Variants in SYNPO2 observed in about 807,000 individuals in gnomAD.
The protein encoded by SYNPO2 is synaptopodin-2.
SYNPO2 carries 56 observed loss-of-function variants against 85.0 expected under a neutral mutation model. The ratio of observed to expected loss-of-function variants is 0.66; its 90% CI spans 0.53 to 0.82. SYNPO2 has a LOEUF of 0.82. SYNPO2 is among the 40% of genes least tolerant of loss of function. The pLI, the probability that SYNPO2 is intolerant of heterozygous loss-of-function variation, is 0.00. For missense variants in SYNPO2, 1,575 were observed against 1,534.2 expected (o/e 1.03, Z -0.44); for synonymous variants, 602 against 591.1 (o/e 1.02, Z -0.27).
chr4:119,003,592 CT>C (rs1404916270), intron 1 of SYNPO2, among the ~76,000 whole-genome samples: 1 of 152,166 alleles, frequency 6.6e-6, no homozygotes, highest in African/African-American at 2.4e-5. Flanking sequence ...CATCCTGTTT[CT>C]GTTTCATGGT....
Position 119,021,088 on chromosome 4 carries a change from G to A in SYNPO2, c.106-2342G>A, listed in dbSNP as rs557861902. Among the ~76,000 whole-genome samples, 114 of 152,250 alleles carry A rather than the reference G, an allele frequency of 7.5e-4. 1 individual carries two copies. Among genetic ancestry groups the A allele is most frequent in the South Asian group, 6.6e-3 (32 of 4,816 alleles). On this transcript the variant is annotated intron_variant, in intron 1 of 4. Transcript: ENST00000307142. Reference sequence around the variant, plus strand: ...AGTATATTCTTCCCCAAGAGGTAATGATATTGATGTGTCAGCAGTGGGGAA... The same window carrying A: ...AGTATATTCTTCCCCAAGAGGTAATAATATTGATGTGTCAGCAGTGGGGAA...
chr4:119,014,017 A>G (rs574071007), intron 1 of SYNPO2, among the ~76,000 whole-genome samples: 139 of 152,330 alleles, frequency 9.1e-4, no homozygotes, highest in Middle Eastern at 6.8e-3. Flanking sequence ...TTCCAACTAT[A>G]TAACTGTGTG....
At chr4:118,950,860 T>C (rs1734671310) in intron 1 of SYNPO2, among the ~76,000 whole-genome samples, 1 of 152,126 alleles carries the variant, frequency 6.6e-6, no homozygotes. Flanking sequence ...ATAAACTCGA[T>C]TGGTTGTGAA....
At chr4:118,862,484 T>C (rs1731626794) in intron 1 of SYNPO2, among the ~76,000 whole-genome samples, 1 of 152,246 alleles carries the variant, frequency 6.6e-6, no homozygotes, top group Non-Finnish European at 1.5e-5. Context: ...GCTTTTATTA[T>C]GTTGAGGTAC....
intron 1 of SYNPO2, among the ~76,000 whole-genome samples, chr4:118,868,517 A>G (rs1042361475): frequency 6.6e-6 from 1 of 152,212 alleles, no homozygotes. Flanking sequence ...CTTTTATTTA[A>G]AAAGAGAAAG....
Position 119,031,139 on chromosome 4 carries a change from A to G in SYNPO2, c.2364A>G (p.Gln788=), listed in dbSNP as rs1013908941. The G allele has an allele frequency of 3.1e-6, 5 of 1,613,774 alleles. No homozygotes were observed. The highest frequency in any genetic ancestry group is 4.2e-6 in the Non-Finnish European group (5 of 1,179,944). Residue 788 remains glutamine, a synonymous_variant, in exon 4 of 5, where the codon CAA becomes CAG. Transcript: ENST00000307142. ...GGTCTCCAGGAGTGGCTCCCACCCA[A>G]CCTCCTGCCTTCCCCACATCCAACC... ...PVWSPGVAPT[Q]PPAFPTSNPS...
chr4:118,861,064 G>A (rs1479845526), intron 1 of SYNPO2, among the ~76,000 whole-genome samples: 1 of 151,960 alleles, frequency 6.6e-6, no homozygotes, highest in Non-Finnish European at 1.5e-5. Flanking sequence ...TTTTTGTTTT[G>A]GTTGCCTGTG....
chr4:118,900,711 A>C (rs1422053073), intron 1 of SYNPO2, among the ~76,000 whole-genome samples: 1,025 of 75,384 alleles, frequency 0.014, 6 homozygotes, highest in South Asian at 0.022. Context: ...CTCTATATAT[A>C]TATATATATA....
Position 119,026,672 on chromosome 4 carries a change from C to T in SYNPO2, c.303C>T (p.Asn101=), listed in dbSNP as rs1389798188. ...ISEALISENE[N]KNLEHLTHGG... The stretch of plus-strand genomic sequence containing the variant: ...AGGCTTTGATATCTGAAAATGAAAA[C>T]AAAAACCTCGAGCATCTCACACATG... The change falls in exon 3 of 5, where the codon AAC becomes AAT. Residue 101 remains asparagine (N), a synonymous_variant. Coordinates refer to ENST00000307142, the MANE Select transcript of SYNPO2 (RefSeq NM_133477.3). 5 of 1,612,212 alleles carry T rather than the reference C, an allele frequency of 3.1e-6. No individual in the cohort carries two copies. The South Asian group carries it at 5.5e-5, about 18-fold the overall frequency.
At chr4:119,053,726 ACT>A (rs1319654295) in intron 4 of SYNPO2, among the ~76,000 whole-genome samples, 1 of 152,200 alleles carries the variant, frequency 6.6e-6, no homozygotes, top group Non-Finnish European at 1.5e-5. Context: ...ATATTTTCAA[ACT>A]CAGTGCATAA....
At chr4:118,961,685 C>G (rs1454097641) in intron 1 of SYNPO2, among the ~76,000 whole-genome samples, 1 of 152,124 alleles carries the variant, frequency 6.6e-6, no homozygotes, top group Non-Finnish European at 1.5e-5. Flanking sequence ...TAAGGTCTTT[C>G]ACATTCACTG....
chr4:118,971,298 G>A (rs185413563), intron 1 of SYNPO2, among the ~76,000 whole-genome samples: 22 of 152,324 alleles, frequency 1.4e-4, no homozygotes, highest in African/African-American at 4.8e-4. Flanking sequence ...TTAAGAACAA[G>A]GAGCCAGAAT....
intron 4 of SYNPO2, among the ~76,000 whole-genome samples, chr4:119,049,756 A>G (rs1279335913): frequency 6.6e-6 from 1 of 152,264 alleles, no homozygotes; most frequent in Non-Finnish European, 1.5e-5. Context: ...TTTAATTGAC[A>G]TGAGAAGATG....
chr4:119,032,929 T>TTTGAC, intron 4 of SYNPO2: 1 of 905,324 alleles, frequency 1.1e-6, no homozygotes, highest in Non-Finnish European at 1.3e-6. Flanking sequence ...AAAGGTTGAT[T>TTTGAC]CCCACCCTCC....
chr4:118,934,227 T>A (rs1734026065), intron 1 of SYNPO2, among the ~76,000 whole-genome samples: 1 of 152,192 alleles, frequency 6.6e-6, no homozygotes, highest in South Asian at 2.1e-4. Context: ...GAGACTCCAC[T>A]GACCCGTGTA....
intron 1 of SYNPO2, among the ~76,000 whole-genome samples, chr4:119,007,867 T>A (rs1435722371): frequency 1.3e-5 from 2 of 152,214 alleles, no homozygotes; most frequent in South Asian, 4.1e-4. Context: ...TTAAGGAATA[T>A]GAACATGTCA....
At chr4:119,046,180 GT>G (rs1488536165) in intron 4 of SYNPO2, among the ~76,000 whole-genome samples, 2 of 152,146 alleles carry the variant, frequency 1.3e-5, no homozygotes, top group African/African-American at 4.8e-5. Flanking sequence ...CATAGTAAAA[GT>G]TTTGTACATT....
chr4:118,878,280 A>C (rs1731964288), intron 1 of SYNPO2, among the ~76,000 whole-genome samples: 1 of 152,230 alleles, frequency 6.6e-6, no homozygotes, highest in Admixed American at 6.5e-5. Flanking sequence ...GTGACAAAAT[A>C]ATCTGTGCAC....
At chr4:118,997,179 G>A (rs1319777568) in intron 1 of SYNPO2, among the ~76,000 whole-genome samples, 1 of 140,140 alleles carries the variant, frequency 7.1e-6, no homozygotes, top group Admixed American at 7.8e-5. Context: ...GGCGGAGCTT[G>A]CAGTGAGCCG....
Sources: allele counts gnomAD v4.1 joint callset (sites outside exome capture counted in the v4.1 genomes callset), GRCh38; gene constraint gnomAD v4.1.1; transcripts MANE v1.5; gene names NCBI Gene and HGNC (gene_info 2026-07-23, HGNC 2026-07-21).